SPTBN4: variants seen among roughly 807,000 people sequenced by gnomAD.
SPTBN4 encodes spectrin beta chain, non-erythrocytic 4.
SPTBN4 carries 96 observed loss-of-function variants against 277.8 expected under a neutral mutation model. That is an observed-to-expected ratio of 0.35 (90% CI 0.29 to 0.41). SPTBN4 has a LOEUF of 0.41. Among genes scored for constraint, SPTBN4 ranks in the 10% least tolerant of loss-of-function variants. The pLI is 1.00. For missense variants in SPTBN4, 3,006 were observed against 3,595.7 expected (o/e 0.84, Z 4.19); for synonymous variants, 1,481 against 1,580.3 (o/e 0.94, Z 1.49).
At chr19:40,498,407 T>C (rs1252541241) in intron 7 of SPTBN4, among the ~76,000 whole-genome samples, 1 of 150,310 alleles carries the variant, frequency 6.7e-6, no homozygotes, top group Non-Finnish European at 1.5e-5. Context: ...ATTTATTTAT[T>C]TATTTATTTA....
rs1257360475 is a variant in SPTBN4, at chr19:40,537,230, G to A, written c.4359+2887G>A. On this transcript the variant is annotated intron_variant, in intron 20 of 35. Coordinates refer to ENST00000598249, the MANE Select transcript of SPTBN4 (RefSeq NM_020971.3). ...TCAGCATGTTGCCCAGGCTGGTCTC[G>A]AACTCGTGGCCTCAGGTGATCGGCC... Among the ~76,000 whole-genome samples, 3 of 152,094 alleles carry A rather than the reference G, an allele frequency of 2.0e-5. No individual in the cohort carries two copies. In the South Asian group the frequency reaches 6.2e-4, roughly 32 times the overall value.
chr19:40,495,524 T>C (rs931414080), intron 6 of SPTBN4, among the ~76,000 whole-genome samples: 2 of 151,992 alleles, frequency 1.3e-5, no homozygotes, highest in Admixed American at 1.3e-4. Flanking sequence ...GGTGCGCCCC[T>C]GTAGTCCCAG....
Position 40,490,346 on chromosome 19 carries a change from T to C in SPTBN4, c.495+98T>C. The C allele has an allele frequency of 1.4e-6, 2 of 1,386,062 alleles. No individual in the cohort carries two copies. Among genetic ancestry groups the C allele is most frequent in the Admixed American group, 2.6e-5 (1 of 38,234 alleles). 85.9% of individuals were successfully genotyped at this position (1,386,062 alleles called of 1,614,324 possible). On this transcript the variant is annotated intron_variant, in intron 4 of 35. Transcript: ENST00000598249. The surrounding 1 kb of genome is among the most constrained non-coding windows in gnomAD (Gnocchi z 4.3). ...TCATTCTTTCCTTCCAATAATATCCTAATATGCTGGAATCCTATTCCAGGT... is the reference window on the plus strand; with the variant it reads ...TCATTCTTTCCTTCCAATAATATCCCAATATGCTGGAATCCTATTCCAGGT...
chr19:40,567,608 CTT>C, intron 30 of SPTBN4, 53 bp from the exon 31 acceptor site: 35 of 1,371,188 alleles, frequency 2.6e-5, no homozygotes, highest in Admixed American at 3.3e-5. Context: ...GGACCTCCCC[CTT>C]ACCCCGCCCC....
intron 20 of SPTBN4, among the ~76,000 whole-genome samples, chr19:40,544,127 C>CTTTTTTTT (rs10618096): frequency 7.8e-4 from 100 of 128,716 alleles, no homozygotes; most frequent in East Asian, 1.8e-3. Flanking sequence ...TCTTCTTCCT[C>CTTTTTTTT]TTTTTTTTTT....
chr19:40,568,833 AGTGTGT>A (rs940635185), intron 31 of SPTBN4, among the ~76,000 whole-genome samples: 1 of 152,214 alleles, frequency 6.6e-6, no homozygotes, highest in African/African-American at 2.4e-5. Flanking sequence ...CAGTCAGCTG[AGTGTGT>A]CTCCAGAAAG....
At chr19:40,530,595 C>T (rs1178787812) in intron 18 of SPTBN4, 2 of 979,774 alleles carry the variant, frequency 2.0e-6, no homozygotes, top group Admixed American at 6.3e-5. Flanking sequence ...CTTCAGGTCT[C>T]GGGGGCGCCC....
intron 20 of SPTBN4, among the ~76,000 whole-genome samples, chr19:40,540,676 G>A (rs2080789785): frequency 1.3e-5 from 2 of 151,640 alleles, no homozygotes; most frequent in Admixed American, 1.3e-4. Context: ...GCAACATAGC[G>A]AGATTCACAT....
At chr19:40,536,097 A>G (rs12983471) in intron 20 of SPTBN4, among the ~76,000 whole-genome samples, 68,350 of 152,024 alleles carry the variant, frequency 0.45, 16,244 homozygotes, top group Non-Finnish European at 0.51. Context: ...TGGGGGAACA[A>G]GCAAAAGAAC....
In SPTBN4 at chr19:40,469,680, C is replaced by G. The variant is rs1420023387; in HGVS notation, c.-16+2375C>G. On this transcript the variant is annotated intron_variant, in intron 1 of 35. Transcript: ENST00000598249. The stretch of plus-strand genomic sequence containing the variant: ...TTTTTTTGAGATGGAGTCTCACTCT[C>G]TCACCCAGGCTAGAGTGCAGTGGTG... 4.6e-5 allele frequency among the ~76,000 whole-genome samples: 7 copies of G among 151,560 alleles called. No individual in the cohort carries two copies. In the South Asian group the frequency reaches 1.5e-3, roughly 32 times the overall value.
chr19:40,548,815 T>C (rs2080885113), intron 20 of SPTBN4, among the ~76,000 whole-genome samples: 1 of 152,208 alleles, frequency 6.6e-6, no homozygotes, highest in East Asian at 1.9e-4. Flanking sequence ...CTCTTGGCCT[T>C]GGTTTCCTCC....
In SPTBN4 at chr19:40,566,319, C is replaced by T. The variant is rs1206670845; in HGVS notation, c.6296C>T (p.Ala2099Val). 2 of 1,592,142 alleles carry T rather than the reference C, an allele frequency of 1.3e-6. No homozygotes were observed. Among genetic ancestry groups the T allele is most frequent in the Admixed American group, 3.5e-5 (2 of 57,376 alleles). Residue 2099 changes from alanine (A) to valine (V), a missense_variant, in exon 30 of 36, where the codon GCC (alanine) becomes GTC (valine). Physicochemically the swap from Ala to Val is moderately conservative, Grantham distance 64. This residue lies in a region of SPTBN4 where 630 missense variants were observed against 677.6 expected (regional missense o/e 0.93). Coordinates refer to ENST00000598249, the MANE Select transcript of SPTBN4 (RefSeq NM_020971.3). ...GAGGCCTTCCGCAAAGCGGCTGCAG[C>T]CTGGGAAGAGAGGTTCAGCTCTCTG... The part of the protein sequence containing the change: ...RHEAFRKAAA[A>V]WEERFSSLRR...
In SPTBN4 at chr19:40,506,292, G is replaced by A. The variant is rs372960156; in HGVS notation, c.1722G>A (p.Leu574=). ...GQHLVEADDL[L]QKHGLLEGDI... ...ACCTGGTGGAGGCAGACGACCTGTTGCAGAAGCATGGACTGCTGGAGGGAG... is the reference window on the plus strand; with the variant it reads ...ACCTGGTGGAGGCAGACGACCTGTTACAGAAGCATGGACTGCTGGAGGGAG... The change falls in exon 13 of 36, where the codon TTG becomes TTA. Residue 574 remains leucine (L), a synonymous_variant. Coordinates refer to ENST00000598249, the MANE Select transcript of SPTBN4 (RefSeq NM_020971.3). The A allele has an allele frequency of 5.6e-6, 9 of 1,614,038 alleles. No homozygotes were observed. The highest frequency in any genetic ancestry group is 6.8e-6 in the Non-Finnish European group (8 of 1,179,888).
intron 15 of SPTBN4, among the ~76,000 whole-genome samples, chr19:40,518,241 G>C (rs2145874338): frequency 6.6e-6 from 1 of 152,212 alleles, no homozygotes; most frequent in Middle Eastern, 3.4e-3. Flanking sequence ...GGGAGGCGGA[G>C]GTTGCAGTGA....
At position 40,572,391 on chromosome 19, in the gene SPTBN4, G is replaced by GTCCT; in HGVS notation, c.7536+13_7536+16dup. On this transcript the variant is annotated intron_variant, in intron 35 of 35. Coordinates refer to ENST00000598249, the MANE Select transcript of SPTBN4 (RefSeq NM_020971.3). ...CAGGCAAAAGATGAGGTGAGATCTGGTCCTTTCCTCCCTCTGTGTGGACCT... is the reference window on the plus strand; with the variant it reads ...CAGGCAAAAGATGAGGTGAGATCTGGTCCTTCCTTTCCTCCCTCTGTGTGGACCT... 1 of 1,614,202 alleles carries GTCCT rather than the reference G, an allele frequency of 6.2e-7. No homozygotes were observed. Among genetic ancestry groups the GTCCT allele is most frequent in the South Asian group, 1.1e-5 (1 of 91,088 alleles).
chr19:40,515,414 G>A lies in SPTBN4; in HGVS notation c.2869G>A (p.Glu957Lys). ...GGAAGGAGGCCACCCCAGTTCAGAT[G>A]AGGTGCGTTCCTGCCAGGACCACCT... Reference protein sequence around the residue: ...LVEGGHPSSDEVRSCQDHLNS... With the variant: ...LVEGGHPSSDKVRSCQDHLNS... The change falls in exon 15 of 36, where the codon GAG (glutamate) becomes AAG (lysine). Residue 957 changes from glutamate to lysine, a missense_variant. Physicochemically the swap from Glu to Lys is moderately conservative, Grantham distance 56. This residue lies in a region of SPTBN4 where 1,759 missense variants were observed against 2,061.5 expected (regional missense o/e 0.85). Transcript: ENST00000598249. The surrounding 1 kb of genome is among the most constrained non-coding windows in gnomAD (Gnocchi z 4.1). The A allele has an allele frequency of 6.3e-7, 1 of 1,582,808 alleles. No homozygotes were observed. The highest frequency in any genetic ancestry group is 8.6e-7 in the Non-Finnish European group (1 of 1,164,100).
intron 16 of SPTBN4, among the ~76,000 whole-genome samples, chr19:40,522,232 T>C (rs1237581602): frequency 2.6e-5 from 4 of 152,216 alleles, no homozygotes. Context: ...TTCACCATGT[T>C]GCCCAGGCTG....
chr19:40,557,447 A>T, intron 26 of SPTBN4, 44 bp downstream of exon 26: 1 of 1,504,930 alleles, frequency 6.6e-7, no homozygotes, highest in Non-Finnish European at 8.9e-7. Flanking sequence ...GGGCCTGGAC[A>T]GCTGTGGGCA....
In SPTBN4 at chr19:40,477,338, T is replaced by C. The variant is rs565991477; in HGVS notation, c.169+4548T>C. Among the ~76,000 whole-genome samples, 235 of 152,292 alleles carry C rather than the reference T, an allele frequency of 1.5e-3. 3 individuals carry two copies. Among genetic ancestry groups the C allele is most frequent in the African/African-American group, 5.4e-3 (223 of 41,556 alleles). On this transcript the variant is annotated intron_variant, in intron 2 of 35. Coordinates refer to ENST00000598249, the MANE Select transcript of SPTBN4 (RefSeq NM_020971.3). ...TGTTGGGATTACAGGTGTGAACCACTGGAATTTATTTTATCTAGAAAATAT... is the reference window on the plus strand; with the variant it reads ...TGTTGGGATTACAGGTGTGAACCACCGGAATTTATTTTATCTAGAAAATAT...
Sources: gnomAD v4.1 joint callset for allele counts (sites outside exome capture counted in the v4.1 genomes callset) on GRCh38, gnomAD v4.1.1 for gene constraint, gnomAD v4.1.1 regional missense constraint, Gnocchi (gnomAD v3.1) non-coding constraint, MANE v1.5 for transcripts, NCBI Gene and HGNC (gene_info 2026-07-23, HGNC 2026-07-21) for gene names.